EPHA6: variants seen among roughly 807,000 people sequenced by gnomAD.
EPHA6 encodes the protein ephrin type-A receptor 6.
In EPHA6, 50 loss-of-function variants were observed where a neutral mutation model predicts 112.0. That is an observed-to-expected ratio of 0.45 (90% CI 0.36 to 0.56). EPHA6 has a LOEUF of 0.56. Ranked by LOEUF, EPHA6 falls within the 20% of genes least tolerant of loss-of-function variation. The pLI is 0.00. For synonymous variants in EPHA6, 529 were observed against 490.7 expected (o/e 1.08, Z -1.03); for missense variants, 1,280 against 1,417.4 (o/e 0.90, Z 1.56).
chr3:97,625,592 T>C (rs2093849335), intron 13 of EPHA6, among the ~76,000 whole-genome samples: 1 of 151,736 alleles, frequency 6.6e-6, no homozygotes, highest in South Asian at 2.1e-4. Context: ...TCTCTCTGGT[T>C]GTTCTGTCCA....
intron 4 of EPHA6, 39 bp downstream of exon 4, chr3:97,226,458 A>C (rs1285827375): frequency 6.4e-7 from 1 of 1,565,278 alleles, no homozygotes; most frequent in African/African-American, 1.4e-5. Context: ...TTCTGTTTCC[A>C]ACCCTTTTGG....
intron 7 of EPHA6, among the ~76,000 whole-genome samples, chr3:97,452,766 T>A (rs938530712): frequency 3.6e-3 from 24 of 6,712 alleles, no homozygotes; most frequent in African/African-American, 4.7e-3. Flanking sequence ...CCATAACACA[T>A]ATCCACACAC....
At chr3:97,672,403 G>A (rs1292092624) in intron 14 of EPHA6, among the ~76,000 whole-genome samples, 1 of 152,054 alleles carries the variant, frequency 6.6e-6, no homozygotes, top group African/African-American at 2.4e-5. Flanking sequence ...AAAAATTAGT[G>A]GTTTTGTTGG....
At chr3:97,513,688 T>A (rs1394692839) in intron 10 of EPHA6, among the ~76,000 whole-genome samples, 4 of 120,358 alleles carry the variant, frequency 3.3e-5, no homozygotes, top group South Asian at 2.9e-4. Flanking sequence ...GGGGTGGGAG[T>A]GGGGTAGGGG....
At chr3:97,356,138 G>GAAT (rs1376605718) in intron 5 of EPHA6, among the ~76,000 whole-genome samples, 1 of 152,114 alleles carries the variant, frequency 6.6e-6, no homozygotes, top group Non-Finnish European at 1.5e-5. Context: ...ATTCTCATAG[G>GAAT]AGTGTGAACC....
At chr3:97,409,478 C>G (rs186051227) in intron 6 of EPHA6, among the ~76,000 whole-genome samples, 8 of 152,228 alleles carry the variant, frequency 5.3e-5, no homozygotes, top group African/African-American at 1.9e-4. Context: ...CAAAATCACA[C>G]AGCCAGTAAG....
At chr3:97,043,759 A>T (rs978665860) in intron 3 of EPHA6, among the ~76,000 whole-genome samples, 6 of 152,180 alleles carry the variant, frequency 3.9e-5, no homozygotes, top group Non-Finnish European at 8.8e-5. Flanking sequence ...TTTAAGATCT[A>T]TAGAGATGTT....
rs1208513705 is a variant in EPHA6 at position 97,642,405 on chromosome 3, A to G, written c.2784+4323A>G. On this transcript the variant is annotated intron_variant, in intron 14 of 17. Coordinates refer to ENST00000389672, the MANE Select transcript of EPHA6 (RefSeq NM_001080448.3). The stretch of plus-strand genomic sequence containing the variant: ...CGCCTCTCCTCCTCCAAAGGAACGC[A>G]GTTCCTCACCAGCAACGGAACAAAG... 2.1e-5 allele frequency among the ~76,000 whole-genome samples: 3 copies of G among 144,188 alleles called. No homozygotes were observed. The Admixed American group carries it at 2.1e-4, about 10-fold the overall frequency. The allele number at this position is 144,188 out of a possible 152,430, so 94.6% of individuals were successfully genotyped here. A position where few individuals can be genotyped will look rare whatever the true frequency, so the allele number is the denominator to read the frequency against.
intron 10 of EPHA6, among the ~76,000 whole-genome samples, chr3:97,508,252 T>C (rs1458332821): frequency 6.6e-6 from 1 of 152,184 alleles, no homozygotes; most frequent in Non-Finnish European, 1.5e-5. Context: ...TTAATTGTGA[T>C]GTTAGGGTGT....
intron 2 of EPHA6, among the ~76,000 whole-genome samples, chr3:96,889,278 GC>G (rs1163988655): frequency 6.6e-6 from 1 of 152,080 alleles, no homozygotes; most frequent in Admixed American, 6.6e-5. Flanking sequence ...TTCCGAAGTT[GC>G]TTCCACATTT....
At chr3:97,112,503 T>C (rs903589780) in intron 3 of EPHA6, among the ~76,000 whole-genome samples, 3 of 152,110 alleles carry the variant, frequency 2.0e-5, no homozygotes, top group Admixed American at 1.3e-4. Context: ...TTTTCTAGAG[T>C]TTACTTAGGG....
chr3:97,235,204 G>A (rs189847789), intron 4 of EPHA6, among the ~76,000 whole-genome samples: 1 of 151,974 alleles, frequency 6.6e-6, no homozygotes, highest in East Asian at 1.9e-4. Flanking sequence ...TTATATACTT[G>A]CTTCCTCATT....
At chr3:96,975,657 T>G (rs1051134624) in intron 2 of EPHA6, among the ~76,000 whole-genome samples, 6 of 152,056 alleles carry the variant, frequency 3.9e-5, no homozygotes, top group Non-Finnish European at 8.8e-5. Context: ...TTCCTTGGAG[T>G]ACAAATCATT....
chr3:97,722,005 C>A (rs2034552779), intron 15 of EPHA6, among the ~76,000 whole-genome samples: 1 of 152,142 alleles, frequency 6.6e-6, no homozygotes, highest in Non-Finnish European at 1.5e-5. Flanking sequence ...CCTATTTTAA[C>A]ACAACCAAAA....
At chr3:97,677,357 G>T (rs2031480139) in intron 14 of EPHA6, among the ~76,000 whole-genome samples, 1 of 152,034 alleles carries the variant, frequency 6.6e-6, no homozygotes, top group Non-Finnish European at 1.5e-5. Context: ...AAATTGACAG[G>T]ATCAATGGAT....
At chr3:97,248,978 C>T (rs921174109) in intron 5 of EPHA6, among the ~76,000 whole-genome samples, 2 of 151,654 alleles carry the variant, frequency 1.3e-5, no homozygotes, top group Admixed American at 1.3e-4. Flanking sequence ...CTCTCACAGT[C>T]CTCACTGTGT....
chr3:97,450,679 C>CA (rs1318194393), intron 7 of EPHA6, among the ~76,000 whole-genome samples: 1 of 151,980 alleles, frequency 6.6e-6, no homozygotes, highest in African/African-American at 2.4e-5. Flanking sequence ...GTTTTGTACT[C>CA]ACAAGTAACT....
At chr3:97,433,564 CA>C (rs765163096) in intron 6 of EPHA6, among the ~76,000 whole-genome samples, 1 of 152,114 alleles carries the variant, frequency 6.6e-6, no homozygotes, top group South Asian at 2.1e-4. Flanking sequence ...AAAAGTTTTA[CA>C]TTTTAAAAGG....
chr3:96,920,703 A>T (rs965846175), intron 2 of EPHA6, among the ~76,000 whole-genome samples: 1 of 151,946 alleles, frequency 6.6e-6, no homozygotes, highest in African/African-American at 2.4e-5. Context: ...ACATTTTAGG[A>T]TGTATATATG....
Sources: allele counts gnomAD v4.1 joint callset (sites outside exome capture counted in the v4.1 genomes callset), GRCh38; gene constraint gnomAD v4.1.1; transcripts MANE v1.5; gene names NCBI Gene and HGNC (gene_info 2026-07-23, HGNC 2026-07-21).